Variants in TMEFF1 observed in about 807,000 individuals in gnomAD.
TMEFF1 encodes tomoregulin-1.
TMEFF1 carries 20 observed loss-of-function variants against 47.5 expected under a neutral mutation model. The observed-to-expected ratio is 0.42, with a 90% CI of 0.30 to 0.61. The LOEUF (loss-of-function observed/expected upper bound fraction) is 0.61, where lower values mean the gene tolerates loss of function less well. Ranked by LOEUF, TMEFF1 falls within the 20% of genes least tolerant of loss-of-function variation. The probability of loss-of-function intolerance (pLI) is 0.19; values close to 1 mark genes in which losing one functional copy is unlikely to be tolerated. For missense variants in TMEFF1, 411 were observed against 471.1 expected (o/e 0.87, Z 1.18); for synonymous variants, 162 against 166.3 (o/e 0.97, Z 0.20).
At chr9:100,564,900 C>T (rs941688083) in intron 8 of TMEFF1, among the ~76,000 whole-genome samples, 3 of 152,086 alleles carry the variant, frequency 2.0e-5, no homozygotes, top group African/African-American at 7.2e-5. Flanking sequence ...TGTTGGTGAC[C>T]GACCTGTTAG....
chr9:100,506,047 T>C (rs968659198), intron 2 of TMEFF1, among the ~76,000 whole-genome samples: 4 of 152,138 alleles, frequency 2.6e-5, no homozygotes, highest in Admixed American at 6.5e-5. Context: ...AAAATATAAT[T>C]TTAAGAAAAG....
intron 9 of TMEFF1, 101 bp from the exon 10 acceptor site, chr9:100,576,415 G>A: frequency 6.9e-7 from 1 of 1,440,592 alleles, no homozygotes; most frequent in East Asian, 2.4e-5. Flanking sequence ...TTGCAATGTG[G>A]CTTTATGTGC....
intron 5 of TMEFF1, among the ~76,000 whole-genome samples, chr9:100,532,996 C>A (rs1241883951): frequency 6.7e-6 from 1 of 148,446 alleles, no homozygotes; most frequent in African/African-American, 2.5e-5. Context: ...GAACAAAAAA[C>A]AAAACACTGC....
chr9:100,573,253 A>G (rs1004649248), intron 9 of TMEFF1, among the ~76,000 whole-genome samples: 2 of 152,334 alleles, frequency 1.3e-5, no homozygotes, highest in East Asian at 3.9e-4. Context: ...TAGTATAGTA[A>G]GAAAGGAAGA....
In TMEFF1 at chr9:100,576,651, C is replaced by CT. The variant is rs887068422; in HGVS notation, c.*58dup. On this transcript the variant is annotated 3_prime_UTR_variant, in exon 10 of 10. Coordinates refer to ENST00000374879, the MANE Select transcript of TMEFF1 (RefSeq NM_003692.5). Reference sequence around the variant, plus strand: ...ACCATGTGATGTACATTTATTATGTCTTTTTTTAAAGAATGGAAATATTTA... The same window carrying CT: ...ACCATGTGATGTACATTTATTATGTCTTTTTTTTAAAGAATGGAAATATTTA... 1 of 1,544,822 alleles carries CT rather than the reference C, an allele frequency of 6.5e-7. No individual in the cohort carries two copies. Among genetic ancestry groups the CT allele is most frequent in the Non-Finnish European group, 8.7e-7 (1 of 1,147,072 alleles).
intron 9 of TMEFF1, among the ~76,000 whole-genome samples, chr9:100,575,559 T>C (rs748414790): frequency 6.6e-6 from 1 of 152,182 alleles, no homozygotes; most frequent in Non-Finnish European, 1.5e-5. Flanking sequence ...TAAAACCATA[T>C]ACAAAATGGA....
At chr9:100,489,854 A>G (rs1837517235) in intron 1 of TMEFF1, among the ~76,000 whole-genome samples, 1 of 152,126 alleles carries the variant, frequency 6.6e-6, no homozygotes, top group South Asian at 2.1e-4. Context: ...TGAGGAAGAG[A>G]GTGTCACAGC....
At chr9:100,537,481 T>C (rs901339665) in intron 5 of TMEFF1, among the ~76,000 whole-genome samples, 1 of 152,234 alleles carries the variant, frequency 6.6e-6, no homozygotes, top group African/African-American at 2.4e-5. Context: ...GGATGCATGT[T>C]TGGGGCTCAG....
At chr9:100,567,655 G>A (rs1407848763) in intron 8 of TMEFF1, among the ~76,000 whole-genome samples, 1 of 152,132 alleles carries the variant, frequency 6.6e-6, no homozygotes. Context: ...ATTGCCTGTG[G>A]AAGGTGTTTT....
chr9:100,507,346 A>G (rs1310658501), intron 2 of TMEFF1, among the ~76,000 whole-genome samples: 1 of 152,032 alleles, frequency 6.6e-6, no homozygotes, highest in Non-Finnish European at 1.5e-5. Context: ...TTTTTGGTAG[A>G]ATGATTGATT....
At chr9:100,573,451 A>G (rs1034458805) in intron 9 of TMEFF1, among the ~76,000 whole-genome samples, 2 of 152,180 alleles carry the variant, frequency 1.3e-5, no homozygotes, top group African/African-American at 2.4e-5. Flanking sequence ...GTAGAAATAC[A>G]TAAGTCAGAC....
chr9:100,496,467 T>A (rs1320471469), intron 1 of TMEFF1, among the ~76,000 whole-genome samples: 2 of 152,252 alleles, frequency 1.3e-5, no homozygotes, highest in Non-Finnish European at 2.9e-5. Flanking sequence ...CTTGAACTCC[T>A]GACCTCAGGT....
intron 8 of TMEFF1, 32 bp downstream of exon 8, chr9:100,561,552 A>ATT: frequency 6.3e-7 from 1 of 1,586,594 alleles, no homozygotes; most frequent in South Asian, 1.2e-5. Flanking sequence ...AGTGGTGAGC[A>ATT]TTTTTTTTCA....
At chr9:100,547,511 T>C (rs1372273246) in intron 5 of TMEFF1, among the ~76,000 whole-genome samples, 2 of 152,212 alleles carry the variant, frequency 1.3e-5, no homozygotes, top group Non-Finnish European at 2.9e-5. Context: ...TTTATCTAGA[T>C]ATGAAAATTC....
chr9:100,484,631 A>G (rs1837414579), intron 1 of TMEFF1, among the ~76,000 whole-genome samples: 1 of 148,766 alleles, frequency 6.7e-6, no homozygotes, highest in Non-Finnish European at 1.5e-5. Context: ...GGAACTTTAC[A>G]TTCTTTAGCA....
rs768149430 is a variant in TMEFF1 at position 100,547,888 on chromosome 9, C to T, written c.705C>T (p.Cys235=). 6.3e-7 allele frequency: 1 copy of T among 1,594,918 alleles called. No individual in the cohort carries two copies. The highest frequency in any genetic ancestry group is 1.1e-5 in the South Asian group (1 of 87,348). ...EQIDIRHLGH[C]TDTDDTSLLG... ...TTGATATAAGGCATCTTGGTCATTG[C>T]ACAGGTAAAATCCATTTTATTTATT... The change falls in exon 6 of 10, where the codon TGC becomes TGT. Residue 235 remains cysteine (C), a synonymous_variant. Coordinates refer to ENST00000374879, the MANE Select transcript of TMEFF1 (RefSeq NM_003692.5).
chr9:100,576,697 G>T lies in TMEFF1; in HGVS notation c.*97G>T. 3 of 1,445,442 alleles carry T rather than the reference G, an allele frequency of 2.1e-6. No individual in the cohort carries two copies. Among genetic ancestry groups the T allele is most frequent in the Admixed American group, 4.6e-5 (2 of 43,372 alleles). The allele number at this position is 1,445,442 out of a possible 1,614,324, so 89.5% of individuals were successfully genotyped here. A position where few individuals can be genotyped will look rare whatever the true frequency, so the allele number is the denominator to read the frequency against. On this transcript the variant is annotated 3_prime_UTR_variant, in exon 10 of 10. Transcript: ENST00000374879. ...ATTTATTTCAGAGGCCTTATTTTTG[G>T]ACATTTTTAGTGTAGTACTGTTGGC...
chr9:100,485,256 C>T (rs1328316845), intron 1 of TMEFF1, among the ~76,000 whole-genome samples: 1 of 152,038 alleles, frequency 6.6e-6, no homozygotes, highest in African/African-American at 2.4e-5. Context: ...ATAATGCCAC[C>T]ATGGATATTC....
Position 100,473,488 on chromosome 9 carries a change from G to T in TMEFF1, c.-57G>T. ...GCAGCGGCGGGGCTCTGGGCGCGCGGCTGGATGCCCCCGGCCTGCGGCTCC... is the reference window on the plus strand; with the variant it reads ...GCAGCGGCGGGGCTCTGGGCGCGCGTCTGGATGCCCCCGGCCTGCGGCTCC... On this transcript the variant is annotated 5_prime_UTR_variant, in exon 1 of 10. Transcript: ENST00000374879. This position sits in a 1 kb window ranked among gnomAD's most constrained non-coding sequence, Gnocchi z 5.4. 1.6e-6 allele frequency: 2 copies of T among 1,253,408 alleles called. No homozygotes were observed. The highest frequency in any genetic ancestry group is 1.0e-6 in the Non-Finnish European group (1 of 992,856). 77.6% of individuals were successfully genotyped at this position (1,253,408 alleles called of 1,614,324 possible).
Sources: gnomAD v4.1 joint callset for allele counts (sites outside exome capture counted in the v4.1 genomes callset) on GRCh38, gnomAD v4.1.1 for gene constraint, Gnocchi (gnomAD v3.1) non-coding constraint, MANE v1.5 for transcripts, NCBI Gene and HGNC (gene_info 2026-07-23, HGNC 2026-07-21) for gene names.